Variants in ACACA observed in about 807,000 individuals in gnomAD.
ACACA encodes the protein acetyl-CoA carboxylase 1.
ACACA carries 103 observed loss-of-function variants against 296.1 expected under a neutral mutation model. The ratio of observed to expected loss-of-function variants is 0.35; its 90% CI spans 0.30 to 0.41. ACACA has a LOEUF of 0.41. ACACA is among the 10% of genes least tolerant of loss of function. ACACA has a pLI of 1.00. For missense variants in ACACA, 1,554 were observed against 2,989.7 expected (o/e 0.52, Z 11.20); for synonymous variants, 953 against 1,038.6 (o/e 0.92, Z 1.58).
intron 41 of ACACA, among the ~76,000 whole-genome samples, chr17:37,167,555 G>C (rs1449776135): frequency 6.6e-6 from 1 of 151,850 alleles, no homozygotes; most frequent in African/African-American, 2.4e-5. Context: ...CTGACCTCAG[G>C]TGATCCACCT....
intron 11 of ACACA, among the ~76,000 whole-genome samples, chr17:37,262,117 T>C (rs1157869069): frequency 6.6e-6 from 1 of 152,064 alleles, no homozygotes; most frequent in Non-Finnish European, 1.5e-5. Context: ...AAAGGGATAA[T>C]AGGTAGCCAG....
chr17:37,306,046 C>T (rs2083870761), intron 3 of ACACA, among the ~76,000 whole-genome samples: 1 of 151,548 alleles, frequency 6.6e-6, no homozygotes, highest in South Asian at 2.1e-4. Flanking sequence ...GCAGCCGGGA[C>T]TACAGGTGCC....
At chr17:37,401,196 C>G (rs796101981) in intron 1 of ACACA, among the ~76,000 whole-genome samples, 1 of 134,352 alleles carries the variant, frequency 7.4e-6, no homozygotes, top group Admixed American at 7.6e-5. Flanking sequence ...TTTTGTTTTT[C>G]TTTTTTTTTT....
rs1324891183 is a variant in ACACA at position 37,268,731 on chromosome 17, ATCTATCTATC to A, written c.1119+2010_1119+2019del. On this transcript the variant is annotated intron_variant, in intron 10 of 55. Transcript: ENST00000616317. ...TATATCTATATCTATCTATCTATCT[ATCTATCTATC>A]TATATATATATATATATATATATAT... 5.0e-3 allele frequency among the ~76,000 whole-genome samples: 365 copies of A among 73,168 alleles called. 3 individuals carry two copies. Among genetic ancestry groups the A allele is most frequent in the South Asian group, 0.025 (44 of 1,782 alleles). 48.0% of individuals were successfully genotyped at this position (73,168 alleles called of 152,430 possible). A position where few individuals can be genotyped will look rare whatever the true frequency, so the allele number is the denominator to read the frequency against.
In ACACA at chr17:37,181,241, C is replaced by T; in HGVS notation, c.4892G>A (p.Gly1631Glu). 6.2e-7 allele frequency: 1 copy of T among 1,614,010 alleles called. No homozygotes were observed. Among genetic ancestry groups the T allele is most frequent in the Non-Finnish European group, 8.5e-7 (1 of 1,179,982 alleles). The change falls in exon 40 of 56, where the codon GGG (glycine) becomes GAG (glutamate). Residue 1631 changes from glycine to glutamate, a missense_variant. This residue lies in a region of ACACA where 553 missense variants were observed against 1,043.6 expected (regional missense o/e 0.53). Transcript: ENST00000616317. Reference sequence around the variant, plus strand: ...TGGGATATCATATATGTATGTTGTCCCTAAGGATTGTGCCTGGAACCTCTT... The same window carrying T: ...TGGGATATCATATATGTATGTTGTCTCTAAGGATTGTGCCTGGAACCTCTT... ...QSKRFQAQSL[G>E]TTYIYDIPEM...
intron 1 of ACACA, among the ~76,000 whole-genome samples, chr17:37,394,558 C>A (rs1045968494): frequency 2.6e-5 from 4 of 151,330 alleles, no homozygotes; most frequent in African/African-American, 4.8e-5. Context: ...TATTAAGCTA[C>A]CACACTTTGT....
At chr17:37,099,650 AGGAGGGCTGATGGAG>A (rs1305902154) in intron 52 of ACACA, among the ~76,000 whole-genome samples, 1 of 129,798 alleles carries the variant, frequency 7.7e-6, no homozygotes, top group Admixed American at 7.6e-5. Context: ...GGCTGATGGG[AGGAGGGCTGATGGAG>A]GGAGGGCTGA....
Position 37,370,484 on chromosome 17 carries a change from T to TAA in ACACA, c.39-30636_39-30635dup, listed in dbSNP as rs772679026. ...CAACACGGTGAAAACTAGTCTCTACTAAAAAAAAAAAAAAAAAAAAAAATT... is the reference window on the plus strand; with the variant it reads ...CAACACGGTGAAAACTAGTCTCTACTAAAAAAAAAAAAAAAAAAAAAAAAATT... On this transcript the variant is annotated intron_variant, in intron 1 of 55. Transcript: ENST00000616317. Among the ~76,000 whole-genome samples the TAA allele has an allele frequency of 8.6e-3, 657 of 76,248 alleles. 4 individuals carry two copies. The highest frequency in any genetic ancestry group is 0.042 in the Middle Eastern group (6 of 142). 50.0% of individuals were successfully genotyped at this position (76,248 alleles called of 152,430 possible). A position where few individuals can be genotyped will look rare whatever the true frequency, so the allele number is the denominator to read the frequency against.
chr17:37,390,293 ATTATACATAAT>A (rs2050782278), intron 1 of ACACA, among the ~76,000 whole-genome samples: 2 of 35,894 alleles, frequency 5.6e-5, no homozygotes, highest in Non-Finnish European at 8.4e-5. Flanking sequence ...ATAATTATAT[ATTATACATAAT>A]TATATATATA....
intron 45 of ACACA, among the ~76,000 whole-genome samples, chr17:37,132,403 A>C (rs2075141875): frequency 6.6e-6 from 1 of 152,238 alleles, no homozygotes. Context: ...TCACTTACAG[A>C]GGCCACGCTC....
intron 8 of ACACA, chr17:37,274,707 G>T: frequency 2.0e-6 from 2 of 984,126 alleles, no homozygotes. Context: ...AATAGAAATG[G>T]CGGTTTTATT....
intron 3 of ACACA, among the ~76,000 whole-genome samples, chr17:37,325,874 A>G (rs958855905): frequency 6.8e-6 from 1 of 146,368 alleles, no homozygotes; most frequent in Admixed American, 6.8e-5. Context: ...ACGCCCAGCC[A>G]GGGTCTTATT....
At chr17:37,294,774 G>A (rs997203992) in intron 3 of ACACA, among the ~76,000 whole-genome samples, 1 of 152,232 alleles carries the variant, frequency 6.6e-6, no homozygotes, top group African/African-American at 2.4e-5. Context: ...TGTCCCCTTT[G>A]GAGAAGTTGA....
chr17:37,382,903 G>A (rs1366422005), intron 1 of ACACA, among the ~76,000 whole-genome samples: 2 of 152,016 alleles, frequency 1.3e-5, no homozygotes, highest in African/African-American at 4.8e-5. Context: ...CAGGCATGGA[G>A]GCACGCGCTT....
intron 29 of ACACA, among the ~76,000 whole-genome samples, chr17:37,219,930 T>G (rs1338814879): frequency 6.6e-6 from 1 of 152,034 alleles, no homozygotes; most frequent in Non-Finnish European, 1.5e-5. Flanking sequence ...ATTTTTCCTT[T>G]TTATTTTGCA....
Position 37,260,286 on chromosome 17 carries a change from ATATATATATATTTTTTTTTTTT to A in ACACA, c.1330-778_1330-757del, listed in dbSNP as rs1434350503. Among the ~76,000 whole-genome samples, 6 of 30,890 alleles carry A rather than the reference ATATATATATATTTTTTTTTTTT, an allele frequency of 1.9e-4. 1 individual carries two copies. Among genetic ancestry groups the A allele is most frequent in the African/African-American group, 9.5e-4 (6 of 6,302 alleles). The allele number at this position is 30,890 out of a possible 152,430, so 20.3% of individuals were successfully genotyped here. A position where few individuals can be genotyped will look rare whatever the true frequency, so the allele number is the denominator to read the frequency against. ...TATATATATATATATATATATATAT[ATATATATATATTTTTTTTTTTT>A]TTTTTTTTGGAGATGGAGTCTCGCT... is the stretch of plus-strand genomic sequence containing the variant. On this transcript the variant is annotated intron_variant, in intron 11 of 55. Coordinates refer to ENST00000616317, the MANE Select transcript of ACACA (RefSeq NM_198834.3).
intron 16 of ACACA, among the ~76,000 whole-genome samples, chr17:37,250,228 C>G (rs959593062): frequency 6.6e-6 from 1 of 152,168 alleles, no homozygotes; most frequent in Non-Finnish European, 1.5e-5. Context: ...TATGAATTTA[C>G]TATAGGGGAC....
chr17:37,210,575 A>G (rs2078701111), intron 29 of ACACA, 85 bp from the exon 30 acceptor site: 4 of 1,307,872 alleles, frequency 3.1e-6, no homozygotes, highest in African/African-American at 2.9e-5. Flanking sequence ...TAGACCAGTC[A>G]TGAGGAGCTC....
At chr17:37,276,153 TC>T in intron 7 of ACACA, 104 bp from the exon 8 acceptor site, 2 of 825,084 alleles carry the variant, frequency 2.4e-6, no homozygotes, top group Non-Finnish European at 4.2e-6. Flanking sequence ...TGTCTTGTCC[TC>T]CCCCCACCCC....
Sources: allele counts gnomAD v4.1 joint callset (sites outside exome capture counted in the v4.1 genomes callset), GRCh38; gene constraint gnomAD v4.1.1; regional missense constraint gnomAD v4.1.1; transcripts MANE v1.5; gene names NCBI Gene and HGNC (gene_info 2026-07-23, HGNC 2026-07-21).